GABBR1: variants seen among roughly 807,000 people sequenced by gnomAD.
GABBR1 encodes GABA-B receptor, R1 subunit.
A neutral mutation model predicts 117.7 loss-of-function variants in GABBR1; 35 were observed. That is an observed-to-expected ratio of 0.30 (90% CI 0.23 to 0.39). GABBR1 has a LOEUF of 0.39. GABBR1 is among the 10% of genes least tolerant of loss of function. The probability of loss-of-function intolerance (pLI) is 1.00; values close to 1 mark genes in which losing one functional copy is unlikely to be tolerated. For synonymous variants in GABBR1, 442 were observed against 486.6 expected, an observed-to-expected ratio of 0.91 and a Z score of 1.21; for missense variants, 709 against 1,241.8, an observed-to-expected ratio of 0.57 and a Z score of 6.45.
intron 5 of GABBR1, chr6:29,628,239 G>T: frequency 2.1e-6 from 2 of 951,540 alleles, no homozygotes; most frequent in Non-Finnish European, 2.5e-6. Flanking sequence ...AAAGAGGAAG[G>T]GAGGGATCTC....
At position 29,613,106 on chromosome 6, in the gene GABBR1, CT is replaced by C; in HGVS notation, c.1566+136del. On this transcript the variant is annotated intron_variant, in intron 12 of 22. Transcript: ENST00000377034. The surrounding 1 kb of genome is among the most constrained non-coding windows in gnomAD (Gnocchi z 4.1). The stretch of plus-strand genomic sequence containing the variant: ...ATGGGTTCTTCTAATTTGAAGGTCC[CT>C]ACTTCTCTGGTCGGAGACTGATTCT... 1.1e-6 allele frequency: 1 copy of C among 943,764 alleles called. No individual in the cohort carries two copies. The allele number at this position is 943,764 out of a possible 1,614,324, so 58.5% of individuals were successfully genotyped here.
chr6:29,623,365 A>G lies in GABBR1; in HGVS notation c.903T>C (p.Phe301=). The change falls in exon 8 of 23, where the codon TTT becomes TTC. Residue 301 remains phenylalanine (F), a synonymous_variant. Coordinates refer to ENST00000377034, the MANE Select transcript of GABBR1 (RefSeq NM_001470.4). This position sits in a 1 kb window ranked among gnomAD's most constrained non-coding sequence, Gnocchi z 6.2. The part of the protein sequence containing the change: ...TLHNPTRVKL[F]EKWGWKKIAT... The stretch of plus-strand genomic sequence containing the variant: ...CAATCTTCTTCCAGCCCCACTTTTC[A>G]AAGAGTTTCACGCGGGTAGGGTTGT... 6.2e-7 allele frequency: 1 copy of G among 1,614,088 alleles called. No homozygotes were observed. Among genetic ancestry groups the G allele is most frequent in the South Asian group, 1.1e-5 (1 of 91,078 alleles).
In GABBR1 at chr6:29,622,356, G is replaced by A; in HGVS notation, c.964-151C>T. The stretch of plus-strand genomic sequence containing the variant: ...TCCTTCAACAGCTTCTGTCCCTGAA[G>A]TGAGGAGTTCGGGAAGGCATCTGGT... On this transcript the variant is annotated intron_variant, in intron 8 of 22. Transcript: ENST00000377034. The surrounding 1 kb of genome is among the most constrained non-coding windows in gnomAD (Gnocchi z 4.6). 3.2e-6 allele frequency: 2 copies of A among 632,058 alleles called. No homozygotes were observed. The highest frequency in any genetic ancestry group is 2.6e-5 in the Admixed American group (1 of 39,156). The allele number at this position is 632,058 out of a possible 1,614,324, so 39.2% of individuals were successfully genotyped here.
Position 29,620,950 on chromosome 6 carries a change from C to G in GABBR1, c.1323+151G>C, listed in dbSNP as rs755906159. 3.8e-5 allele frequency: 23 copies of G among 601,552 alleles called. No individual in the cohort carries two copies. Among genetic ancestry groups the G allele is most frequent in the Non-Finnish European group, 6.0e-5 (21 of 351,350 alleles). The allele number at this position is 601,552 out of a possible 1,614,324, so 37.3% of individuals were successfully genotyped here. ...GAGCAAAGGTAGGATCCACAGGAAA[C>G]ATAATGCAGACAAGTTCAGGGTGGG... is the stretch of plus-strand genomic sequence containing the variant. On this transcript the variant is annotated intron_variant, in intron 11 of 22. Transcript: ENST00000377034. This position sits in a 1 kb window ranked among gnomAD's most constrained non-coding sequence, Gnocchi z 4.5.
rs1761812857 is a variant in GABBR1, at chr6:29,605,087, T to G, written c.2440-99A>C. ...GAGGGAGTCTATGCAGACAGTTTCC[T>G]GGTGAACTTTCCCTTTGAAAAGGAT... On this transcript the variant is annotated intron_variant, in intron 20 of 22. Transcript: ENST00000377034. The surrounding 1 kb of genome is among the most constrained non-coding windows in gnomAD (Gnocchi z 4.2). 9 of 1,259,902 alleles carry G rather than the reference T, an allele frequency of 7.1e-6. No individual in the cohort carries two copies. Among genetic ancestry groups the G allele is most frequent in the Non-Finnish European group, 9.7e-6 (9 of 926,050 alleles). The allele number at this position is 1,259,902 out of a possible 1,614,324, so 78.0% of individuals were successfully genotyped here. A position where few individuals can be genotyped will look rare whatever the true frequency, so the allele number is the denominator to read the frequency against.
At position 29,607,146 on chromosome 6, in the gene GABBR1, G is replaced by A. The variant is rs1762045308; in HGVS notation, c.2065C>T (p.His689Tyr). The A allele has an allele frequency of 6.2e-7, 1 of 1,614,024 alleles. No homozygotes were observed. The highest frequency in any genetic ancestry group is 1.3e-5 in the African/African-American group (1 of 74,900). Residue 689 changes from histidine to tyrosine, a missense_variant, in exon 17 of 23, where the codon CAC (histidine) becomes TAC (tyrosine). This residue lies in a region of GABBR1 where 251 missense variants were observed against 445.3 expected (regional missense o/e 0.56). Coordinates refer to ENST00000377034, the MANE Select transcript of GABBR1 (RefSeq NM_001470.4). The surrounding 1 kb of genome is among the most constrained non-coding windows in gnomAD (Gnocchi z 5.0). ...GSMFTKIWWV[H>Y]TVFTKKEEKK... ...TCTTCCTTCTTTGTGAAGACCGTGT[G>A]GACCCACCAAATCTTGGTGAACATG...
rs1038300377 is a variant in GABBR1 at position 29,627,662 on chromosome 6, G to A, written c.497-16C>T. 1.9e-6 allele frequency: 3 copies of A among 1,541,266 alleles called. No homozygotes were observed. Among genetic ancestry groups the A allele is most frequent in the Non-Finnish European group, 2.6e-6 (3 of 1,148,466 alleles). Reference sequence around the variant, plus strand: ...GCGCGCCGTTCTGAGGAGGGGTGCGGGGGGACCCGCGAGTGAGGCCGCGGG... The same window carrying A: ...GCGCGCCGTTCTGAGGAGGGGTGCGAGGGGACCCGCGAGTGAGGCCGCGGG... On this transcript the variant is annotated splice_polypyrimidine_tract_variant and intron_variant, in intron 5 of 22. Transcript: ENST00000377034. The surrounding 1 kb of genome is among the most constrained non-coding windows in gnomAD (Gnocchi z 4.4).
At position 29,606,583 on chromosome 6, in the gene GABBR1, C is replaced by A. The variant is rs1582951554; in HGVS notation, c.2218-99G>T. Reference sequence around the variant, plus strand: ...GGCTTCCAACTGTTTTCCTATGAGACCCTCAATGCTGATGCCAAATCTCAT... The same window carrying A: ...GGCTTCCAACTGTTTTCCTATGAGAACCTCAATGCTGATGCCAAATCTCAT... On this transcript the variant is annotated intron_variant, in intron 18 of 22. Transcript: ENST00000377034. This position sits in a 1 kb window ranked among gnomAD's most constrained non-coding sequence, Gnocchi z 4.5. 1.2e-6 allele frequency: 1 copy of A among 850,936 alleles called. No homozygotes were observed. The highest frequency in any genetic ancestry group is 2.0e-6 in the Non-Finnish European group (1 of 495,258). The allele number at this position is 850,936 out of a possible 1,614,324, so 52.7% of individuals were successfully genotyped here. A position where few individuals can be genotyped will look rare whatever the true frequency, so the allele number is the denominator to read the frequency against.
At chr6:29,629,588 G>A (rs752069551) in intron 4 of GABBR1, among the ~76,000 whole-genome samples, 2 of 152,096 alleles carry the variant, frequency 1.3e-5, no homozygotes, top group Non-Finnish European at 2.9e-5. Context: ...TTTCAGTAGT[G>A]TCATAAGTCC....
intron 11 of GABBR1, among the ~76,000 whole-genome samples, chr6:29,614,937 T>C (rs112239849): frequency 0.013 from 1,917 of 148,462 alleles, 51 homozygotes; most frequent in South Asian, 0.061. Flanking sequence ...ATATGGGAAG[T>C]TTCTGTACCT....
chr6:29,633,172 G>T lies in GABBR1; in HGVS notation c.-323C>A, dbSNP rs1186628879. ...GGAGGGTGCAAGGGAAGGCAGGGCG[G>T]GGGGAAGAGAGGGGAAGACCGGGGA... On this transcript the variant is annotated 5_prime_UTR_variant, in exon 1 of 23. Coordinates refer to ENST00000377034, the MANE Select transcript of GABBR1 (RefSeq NM_001470.4). The surrounding 1 kb of genome is among the most constrained non-coding windows in gnomAD (Gnocchi z 4.4). The T allele has an allele frequency of 6.6e-6, 1 of 152,530 alleles. No individual in the cohort carries two copies. The highest frequency in any genetic ancestry group is 1.5e-5 in the Non-Finnish European group (1 of 68,284). 9.4% of individuals were successfully genotyped at this position (152,530 alleles called of 1,614,324 possible). A position where few individuals can be genotyped will look rare whatever the true frequency, so the allele number is the denominator to read the frequency against.
At chr6:29,612,380 C>CTTA (rs890100678) in intron 13 of GABBR1, among the ~76,000 whole-genome samples, 171 bp downstream of exon 13, 5 of 151,892 alleles carry the variant, frequency 3.3e-5, no homozygotes, top group African/African-American at 9.7e-5. Flanking sequence ...TGTAGTTAAG[C>CTTA]TTATTATTAT....
In GABBR1 at chr6:29,632,926, C is replaced by T; in HGVS notation, c.-77G>A. The stretch of plus-strand genomic sequence containing the variant: ...GCCCGGCCGCTCCTCCCCGCTCCCC[C>T]CTCCCTTCTCCTCCACCTTTCTCCT... On this transcript the variant is annotated 5_prime_UTR_variant, in exon 1 of 23. Transcript: ENST00000377034. The surrounding 1 kb of genome is among the most constrained non-coding windows in gnomAD (Gnocchi z 5.8). 4.6e-6 allele frequency: 1 copy of T among 215,178 alleles called. No individual in the cohort carries two copies. The highest frequency in any genetic ancestry group is 9.7e-6 in the Non-Finnish European group (1 of 102,660). The allele number at this position is 215,178 out of a possible 1,614,324, so 13.3% of individuals were successfully genotyped here.
chr6:29,609,404 G>A lies in GABBR1; in HGVS notation c.1709-25C>T. 1.2e-6 allele frequency: 2 copies of A among 1,610,014 alleles called. No individual in the cohort carries two copies. The highest frequency in any genetic ancestry group is 1.7e-6 in the Non-Finnish European group (2 of 1,177,760). ...CCTGCATGGCACAGGGGAGGAAGAG[G>A]GGAAGGGAAAAGAGAAGGGAAGGAG... On this transcript the variant is annotated intron_variant, in intron 14 of 22. Transcript: ENST00000377034. This position sits in a 1 kb window ranked among gnomAD's most constrained non-coding sequence, Gnocchi z 4.3.
Position 29,611,716 on chromosome 6 carries a change from G to A in GABBR1, c.1631-715C>T, listed in dbSNP as rs1366957527. Among the ~76,000 whole-genome samples, 8 of 152,204 alleles carry A rather than the reference G, an allele frequency of 5.3e-5. No individual in the cohort carries two copies. Among genetic ancestry groups the A allele is most frequent in the East Asian group, 1.9e-4 (1 of 5,206 alleles). Reference sequence around the variant, plus strand: ...GCCATGCCGTAAAAGACTGAGAGCCGAGTGGAGCAGAAAAATTAACTCCTA... The same window carrying A: ...GCCATGCCGTAAAAGACTGAGAGCCAAGTGGAGCAGAAAAATTAACTCCTA... On this transcript the variant is annotated intron_variant, in intron 13 of 22. Coordinates refer to ENST00000377034, the MANE Select transcript of GABBR1 (RefSeq NM_001470.4). This position sits in a 1 kb window ranked among gnomAD's most constrained non-coding sequence, Gnocchi z 4.6.
rs1764917730 is a variant in GABBR1, at chr6:29,631,119, T to C, written c.289+277A>G. 6.6e-6 allele frequency among the ~76,000 whole-genome samples: 1 copy of C among 152,212 alleles called. No individual in the cohort carries two copies. Among genetic ancestry groups the C allele is most frequent in the African/African-American group, 2.4e-5 (1 of 41,450 alleles). ...TTTTGTCATCATCTGCCACTAATGATCCTCAAAGAGAATAACTGACAAGAT... is the reference window on the plus strand; with the variant it reads ...TTTTGTCATCATCTGCCACTAATGACCCTCAAAGAGAATAACTGACAAGAT... On this transcript the variant is annotated intron_variant, in intron 3 of 22. Transcript: ENST00000377034. This position sits in a 1 kb window ranked among gnomAD's most constrained non-coding sequence, Gnocchi z 5.9.
chr6:29,629,364 A>G, intron 4 of GABBR1: 1 of 645,694 alleles, frequency 1.5e-6, no homozygotes, highest in Non-Finnish European at 2.8e-6. Flanking sequence ...AGTTTGGGGC[A>G]GATCTTGGTT....
intron 22 of GABBR1, 68 bp from the exon 23 acceptor site, chr6:29,603,784 A>G: frequency 8.0e-7 from 1 of 1,254,716 alleles, no homozygotes; most frequent in South Asian, 2.1e-5. Flanking sequence ...GAGGAGGGAA[A>G]GAGAGGAAGG....
Position 29,613,214 on chromosome 6 carries a change from A to G in GABBR1, c.1566+29T>C. 1 of 1,607,438 alleles carries G rather than the reference A, an allele frequency of 6.2e-7. No homozygotes were observed. Among genetic ancestry groups the G allele is most frequent in the Non-Finnish European group, 8.5e-7 (1 of 1,175,384 alleles). Reference sequence around the variant, plus strand: ...GAGTCTCTCTCAAGATTGGGAAGACAGGGGAGTATGAAGGAAGTTTTAACT... The same window carrying G: ...GAGTCTCTCTCAAGATTGGGAAGACGGGGGAGTATGAAGGAAGTTTTAACT... On this transcript the variant is annotated intron_variant, in intron 12 of 22. Transcript: ENST00000377034. The surrounding 1 kb of genome is among the most constrained non-coding windows in gnomAD (Gnocchi z 4.1).
Sources: allele counts gnomAD v4.1 joint callset (sites outside exome capture counted in the v4.1 genomes callset), GRCh38; gene constraint gnomAD v4.1.1; regional missense constraint gnomAD v4.1.1; non-coding constraint Gnocchi (gnomAD v3.1); transcripts MANE v1.5; gene names NCBI Gene and HGNC (gene_info 2026-07-23, HGNC 2026-07-21).